Variants in CDKL2 observed in about 807,000 individuals in gnomAD.
CDKL2 encodes cyclin dependent kinase like 2.
A neutral mutation model predicts 63.9 loss-of-function variants in CDKL2; 64 were observed. The ratio of observed to expected loss-of-function variants is 1.00; its 90% CI spans 0.82 to 1.23. The LOEUF is 1.23. Among genes scored for constraint, CDKL2 ranks in the 50% most tolerant of loss-of-function variants. The probability of loss-of-function intolerance (pLI) is 0.00; values close to 1 mark genes in which losing one functional copy is unlikely to be tolerated. For synonymous variants in CDKL2, 211 were observed against 229.2 expected, an observed-to-expected ratio of 0.92 and a Z score of 0.72; for missense variants, 656 against 668.0, an observed-to-expected ratio of 0.98 and a Z score of 0.20.
chr4:75,589,969 A>G (rs944605609), intron 12 of CDKL2, among the ~76,000 whole-genome samples: 3 of 151,160 alleles, frequency 2.0e-5, no homozygotes, highest in African/African-American at 7.3e-5. Context: ...GCAACAGAGC[A>G]AGACCATGTG....
intron 1 of CDKL2, among the ~76,000 whole-genome samples, chr4:75,628,192 T>C (rs1346791411): frequency 6.6e-6 from 1 of 151,472 alleles, no homozygotes; most frequent in African/African-American, 2.4e-5. Context: ...CTTGGCTCAC[T>C]GCAAACTCCG....
chr4:75,584,385 A>G lies in CDKL2; in HGVS notation c.1648-2487T>C, dbSNP rs139140303. Among the ~76,000 whole-genome samples the G allele has an allele frequency of 1.6e-4, 24 of 152,308 alleles. 1 individual carries two copies. In the East Asian group the frequency reaches 4.2e-3, roughly 27 times the overall value. The stretch of plus-strand genomic sequence containing the variant: ...AAATAGGGACTTCTGCCCTACAACC[A>G]TATGGAACTAAATTAGCCCAACAAC... On this transcript the variant is annotated intron_variant, in intron 12 of 13. Transcript: ENST00000307465.
chr4:75,626,462 T>G (rs777561156), intron 1 of CDKL2, among the ~76,000 whole-genome samples: 5 of 151,918 alleles, frequency 3.3e-5, no homozygotes, highest in Admixed American at 2.0e-4. Context: ...GTCGGGAGAT[T>G]GAGACCATCC....
At chr4:75,604,344 G>T (rs755360255) in intron 5 of CDKL2, among the ~76,000 whole-genome samples, 6 of 152,078 alleles carry the variant, frequency 3.9e-5, no homozygotes. Flanking sequence ...CTTAAAGTCA[G>T]ATTTGAGCAC....
chr4:75,584,463 C>A (rs1728386197), intron 12 of CDKL2, among the ~76,000 whole-genome samples: 1 of 152,184 alleles, frequency 6.6e-6, no homozygotes, highest in Admixed American at 6.6e-5. Context: ...AATAATGCAG[C>A]CCTGCAGACA....
At chr4:75,610,063 G>C (rs139388654) in intron 3 of CDKL2, among the ~76,000 whole-genome samples, 1 of 152,028 alleles carries the variant, frequency 6.6e-6, no homozygotes, top group African/African-American at 2.4e-5. Flanking sequence ...TTAGCCAGGC[G>C]TGGTGGCAGG....
intron 3 of CDKL2, among the ~76,000 whole-genome samples, chr4:75,609,591 G>A (rs1729592805): frequency 6.7e-6 from 1 of 148,940 alleles, no homozygotes; most frequent in Non-Finnish European, 1.5e-5. Context: ...GGGCGACAGA[G>A]ACTCCATCTC....
chr4:75,593,377 G>A (rs1728788951), intron 10 of CDKL2, among the ~76,000 whole-genome samples: 1 of 151,896 alleles, frequency 6.6e-6, no homozygotes, highest in African/African-American at 2.4e-5. Flanking sequence ...TAAAGCATGG[G>A]AGAGAGGTAT....
chr4:75,607,218 A>T lies in CDKL2; in HGVS notation c.507T>A (p.Ala169=). The change falls in exon 4 of 14, where the codon GCT becomes GCA. Residue 169 remains alanine, a synonymous_variant. Transcript: ENST00000307465. ...TGACATCACCAACCAATAGTTCTGG[A>T]GCTCTGTACCATCGGGTTGCCACAT... ...TDYVATRWYR[A]PELLVGDVKY... The T allele has an allele frequency of 6.2e-7, 1 of 1,612,508 alleles. No individual in the cohort carries two copies. Among genetic ancestry groups the T allele is most frequent in the Non-Finnish European group, 8.5e-7 (1 of 1,179,078 alleles).
chr4:75,624,365 A>C (rs113644118), intron 2 of CDKL2, among the ~76,000 whole-genome samples: 1,775 of 152,052 alleles, frequency 0.012, 38 homozygotes, highest in African/African-American at 0.041. Flanking sequence ...CAGCCTGAGC[A>C]ACACAGTGAG....
chr4:75,587,056 C>T (rs1728508838), intron 12 of CDKL2, among the ~76,000 whole-genome samples: 1 of 151,916 alleles, frequency 6.6e-6, no homozygotes, highest in South Asian at 2.1e-4. Context: ...AAAAACACAA[C>T]AAAATTGACA....
chr4:75,597,628 T>A (rs1156824395), intron 8 of CDKL2, among the ~76,000 whole-genome samples: 1 of 152,226 alleles, frequency 6.6e-6, no homozygotes, highest in South Asian at 2.1e-4. Flanking sequence ...GGATTTGAAT[T>A]ACCTTATCAA....
At chr4:75,595,150 C>T (rs565858699) in intron 10 of CDKL2, among the ~76,000 whole-genome samples, 8 of 151,502 alleles carry the variant, frequency 5.3e-5, no homozygotes, top group African/African-American at 1.7e-4. Flanking sequence ...GTGTCTCACA[C>T]ATAACGATTG....
At chr4:75,612,014 A>T (rs1252796424) in intron 3 of CDKL2, among the ~76,000 whole-genome samples, 1 of 152,034 alleles carries the variant, frequency 6.6e-6, no homozygotes, top group Non-Finnish European at 1.5e-5. Flanking sequence ...CATGTTGCCC[A>T]GGCTGGAGGG....
chr4:75,594,531 G>T (rs778921606), intron 10 of CDKL2, among the ~76,000 whole-genome samples: 22 of 151,980 alleles, frequency 1.4e-4, no homozygotes, highest in Admixed American at 1.1e-3. Flanking sequence ...CTCTGCCTTG[G>T]AATCTTACGT....
At chr4:75,616,632 G>A (rs1040980641) in intron 2 of CDKL2, among the ~76,000 whole-genome samples, 18 of 150,664 alleles carry the variant, frequency 1.2e-4, no homozygotes, top group African/African-American at 2.2e-4. Context: ...CCCAGGAGGC[G>A]GAAGTTGCAG....
chr4:75,601,465 G>C (rs56137165), intron 6 of CDKL2, among the ~76,000 whole-genome samples: 6,053 of 152,028 alleles, frequency 0.04, 182 homozygotes, highest in Non-Finnish European at 0.06. Context: ...CTACTTATAA[G>C]TAAAATAATA....
rs372369610 is a variant in CDKL2 at position 75,603,195 on chromosome 4, T to C, written c.795+622A>G. On this transcript the variant is annotated intron_variant, in intron 6 of 13. Coordinates refer to ENST00000307465, the MANE Select transcript of CDKL2 (RefSeq NM_001330724.2). ...TTTGTATTTTTTAGTAGAGACGGGG[T>C]TTCACCTTGTTAGCCAGGATGGTCT... is the stretch of plus-strand genomic sequence containing the variant. Among the ~76,000 whole-genome samples the C allele has an allele frequency of 2.8e-4, 39 of 140,870 alleles. 2 individuals carry two copies. The South Asian group carries it at 9.0e-3, about 33-fold the overall frequency. The allele number at this position is 140,870 out of a possible 152,430, so 92.4% of individuals were successfully genotyped here.
intron 4 of CDKL2, 94 bp from the exon 5 acceptor site, chr4:75,605,728 G>A: frequency 1.4e-6 from 1 of 708,370 alleles, no homozygotes; most frequent in Non-Finnish European, 2.5e-6. Context: ...CAAAGGAAAT[G>A]CCAACCAGAG....
Sources: gnomAD v4.1 joint callset for allele counts (sites outside exome capture counted in the v4.1 genomes callset) on GRCh38, gnomAD v4.1.1 for gene constraint, MANE v1.5 for transcripts, NCBI Gene and HGNC (gene_info 2026-07-23, HGNC 2026-07-21) for gene names.